The following FSTL5 variants were observed in gnomAD, a reference collection of about 807,000 sequenced individuals.
FSTL5 encodes follistatin like 5.
Under a neutral mutation model 89.1 loss-of-function variants are expected in FSTL5, and 62 were observed. The ratio of observed to expected loss-of-function variants is 0.70; its 90% CI spans 0.57 to 0.86. FSTL5 has a LOEUF of 0.86. FSTL5 is among the 40% of genes least tolerant of loss of function. The pLI, the probability that FSTL5 is intolerant of heterozygous loss-of-function variation, is 0.00. For missense variants in FSTL5, 1,057 were observed against 1,001.6 expected (o/e 1.06, Z -0.75); for synonymous variants, 383 against 346.2 (o/e 1.11, Z -1.18).
chr4:161,919,923 G>A (rs1325626102), intron 4 of FSTL5, among the ~76,000 whole-genome samples: 1 of 152,180 alleles, frequency 6.6e-6, no homozygotes, highest in Admixed American at 6.5e-5. Context: ...GATTTAGCAT[G>A]AGTTCTTCTA....
chr4:162,013,224 T>A (rs1214496009), intron 3 of FSTL5, among the ~76,000 whole-genome samples: 1 of 151,928 alleles, frequency 6.6e-6, no homozygotes, highest in African/African-American at 2.4e-5. Flanking sequence ...TCACAATGTC[T>A]ATTACAATTG....
intron 13 of FSTL5, among the ~76,000 whole-genome samples, chr4:161,470,740 C>T (rs1448503749): frequency 6.6e-6 from 1 of 151,886 alleles, no homozygotes; most frequent in Non-Finnish European, 1.5e-5. Context: ...GGTTGTTTTC[C>T]CATTTATATA....
intron 4 of FSTL5, among the ~76,000 whole-genome samples, chr4:161,777,823 G>A (rs1366797954): frequency 6.6e-6 from 1 of 152,164 alleles, no homozygotes; most frequent in Non-Finnish European, 1.5e-5. Flanking sequence ...GCCAGGTGCA[G>A]TGGCTCATGT....
intron 10 of FSTL5, among the ~76,000 whole-genome samples, chr4:161,531,689 A>G (rs1038293362): frequency 6.6e-6 from 1 of 152,164 alleles, no homozygotes; most frequent in Non-Finnish European, 1.5e-5. Flanking sequence ...ACTAAATAAT[A>G]AAAGGTATAC....
intron 10 of FSTL5, among the ~76,000 whole-genome samples, chr4:161,512,228 T>C (rs531970009): frequency 6.6e-6 from 1 of 152,222 alleles, no homozygotes; most frequent in Non-Finnish European, 1.5e-5. Context: ...ATGTGTTTCC[T>C]TATATCTCCA....
At chr4:161,707,219 T>C (rs1163175086) in intron 6 of FSTL5, among the ~76,000 whole-genome samples, 1 of 151,916 alleles carries the variant, frequency 6.6e-6, no homozygotes, top group African/African-American at 2.4e-5. Context: ...GCATTCACTT[T>C]TAAAACAAAA....
intron 1 of FSTL5, among the ~76,000 whole-genome samples, chr4:162,143,596 C>T (rs943861228): frequency 6.6e-6 from 1 of 151,940 alleles, no homozygotes; most frequent in Non-Finnish European, 1.5e-5. Flanking sequence ...AATTGCCCTC[C>T]ATAATTGTTA....
chr4:161,858,732 T>A (rs758908050), intron 4 of FSTL5, among the ~76,000 whole-genome samples: 1 of 152,222 alleles, frequency 6.6e-6, no homozygotes, highest in East Asian at 1.9e-4. Context: ...CTTTTACTTC[T>A]AGATGTGTGT....
At chr4:161,894,311 A>G (rs2110765777) in intron 4 of FSTL5, among the ~76,000 whole-genome samples, 1 of 152,238 alleles carries the variant, frequency 6.6e-6, no homozygotes, top group South Asian at 2.1e-4. Flanking sequence ...TGTAAATTCA[A>G]TACTATGTAA....
At chr4:161,720,402 AC>A (rs1739155226) in intron 6 of FSTL5, among the ~76,000 whole-genome samples, 1 of 152,150 alleles carries the variant, frequency 6.6e-6, no homozygotes, top group Non-Finnish European at 1.5e-5. Flanking sequence ...AAACATTTGT[AC>A]ACTATTGATG....
rs544606737 is a variant in FSTL5, at chr4:161,856,256, A to G, written c.409+64148T>C. Among the ~76,000 whole-genome samples, 15 of 152,258 alleles carry G rather than the reference A, an allele frequency of 9.9e-5. 1 individual carries two copies. In the South Asian group the frequency reaches 3.1e-3, roughly 32 times the overall value. ...TTAATTTGTTGATATTGAACATAGAAGAAACAGCATGAGAAAAGGCATAGA... is the reference window on the plus strand; with the variant it reads ...TTAATTTGTTGATATTGAACATAGAGGAAACAGCATGAGAAAAGGCATAGA... On this transcript the variant is annotated intron_variant, in intron 4 of 15. Transcript: ENST00000306100.
intron 6 of FSTL5, among the ~76,000 whole-genome samples, chr4:161,743,268 T>C (rs1740088911): frequency 6.6e-6 from 1 of 152,170 alleles, no homozygotes; most frequent in African/African-American, 2.4e-5. Context: ...TATTCAGTTT[T>C]CCCAGCACTA....
intron 3 of FSTL5, among the ~76,000 whole-genome samples, chr4:161,945,548 T>A (rs1215552198): frequency 3.9e-5 from 6 of 152,130 alleles, no homozygotes; most frequent in Admixed American, 6.5e-5. Flanking sequence ...GGTCAGGAGT[T>A]CGACACCAGC....
chr4:161,732,178 A>C (rs1391015428), intron 6 of FSTL5, among the ~76,000 whole-genome samples: 1 of 152,162 alleles, frequency 6.6e-6, no homozygotes, highest in Non-Finnish European at 1.5e-5. Context: ...TGCCAACAAA[A>C]GGTATAGCCA....
At chr4:161,625,048 A>C (rs944575128) in intron 7 of FSTL5, among the ~76,000 whole-genome samples, 1 of 152,186 alleles carries the variant, frequency 6.6e-6, no homozygotes, top group Non-Finnish European at 1.5e-5. Context: ...ATGATGGTTA[A>C]TAGTATACAG....
chr4:161,637,961 C>T (rs1358629218), intron 7 of FSTL5, among the ~76,000 whole-genome samples: 3 of 150,504 alleles, frequency 2.0e-5, no homozygotes, highest in Admixed American at 6.6e-5. Flanking sequence ...TTTTTTGGTT[C>T]CATATGAACT....
chr4:162,062,555 C>A (rs1738754846), intron 2 of FSTL5, among the ~76,000 whole-genome samples: 1 of 151,754 alleles, frequency 6.6e-6, no homozygotes, highest in East Asian at 1.9e-4. Flanking sequence ...CATTCACAGG[C>A]CTGACATTTC....
At chr4:161,912,260 G>A (rs1264261770) in intron 4 of FSTL5, among the ~76,000 whole-genome samples, 4 of 152,128 alleles carry the variant, frequency 2.6e-5, no homozygotes, top group Non-Finnish European at 5.9e-5. Flanking sequence ...TTTGACAAGA[G>A]GATACTGAGA....
At chr4:162,079,663 G>A (rs1730010055) in intron 2 of FSTL5, among the ~76,000 whole-genome samples, 1 of 151,340 alleles carries the variant, frequency 6.6e-6, no homozygotes, top group Non-Finnish European at 1.5e-5. Context: ...CAACTTCAAA[G>A]TACTTTAGTT....
Sources: gnomAD v4.1 joint callset for allele counts (sites outside exome capture counted in the v4.1 genomes callset) on GRCh38, gnomAD v4.1.1 for gene constraint, MANE v1.5 for transcripts, NCBI Gene and HGNC (gene_info 2026-07-23, HGNC 2026-07-21) for gene names.